MYT1L: variants seen among roughly 807,000 people sequenced by gnomAD.
The protein encoded by MYT1L is myelin transcription factor 1 like, also known as myelin transcription factor 1-like protein.
In MYT1L, 12 loss-of-function variants were observed where a neutral mutation model predicts 126.7. The ratio of observed to expected loss-of-function variants is 0.09; its 90% CI spans 0.06 to 0.15. The LOEUF is 0.15. Among genes scored for constraint, MYT1L ranks in the 10% least tolerant of loss-of-function variants. The pLI is 1.00. For missense variants in MYT1L, 979 were observed against 1,585.2 expected (o/e 0.62, Z 6.49); for synonymous variants, 541 against 604.2 (o/e 0.90, Z 1.53).
chr2:2,288,171 C>T lies in MYT1L; in HGVS notation c.-520-3668G>A, dbSNP rs115400445. 2.8e-3 allele frequency among the ~76,000 whole-genome samples: 427 copies of T among 152,270 alleles called. 5 individuals carry two copies. Among genetic ancestry groups the T allele is most frequent in the African/African-American group, 9.7e-3 (402 of 41,550 alleles). The stretch of plus-strand genomic sequence containing the variant: ...AATAGGAATTGTCATTTAATCCTCA[C>T]GACCAGGTAGATACAGGACAACATC... On this transcript the variant is annotated intron_variant, in intron 1 of 24. Coordinates refer to ENST00000647738, the MANE Select transcript of MYT1L (RefSeq NM_001303052.2).
Position 2,032,563 on chromosome 2 carries a change from T to G in MYT1L, c.-158+21415A>C, listed in dbSNP as rs193041783. Among the ~76,000 whole-genome samples the G allele has an allele frequency of 4.8e-3, 690 of 144,432 alleles. 7 individuals are homozygous for G. The highest frequency in any genetic ancestry group is 0.018 in the African/African-American group (672 of 38,214). The allele number at this position is 144,432 out of a possible 152,430, so 94.8% of individuals were successfully genotyped here. The stretch of plus-strand genomic sequence containing the variant: ...TACACACATCCCTCCCCAGTGCCTC[T>G]CATCCTGCGGCCCAGAGAAGATTCT... On this transcript the variant is annotated intron_variant, in intron 4 of 24. Coordinates refer to ENST00000647738, the MANE Select transcript of MYT1L (RefSeq NM_001303052.2).
chr2:1,939,614 A>C (rs1432060364), intron 9 of MYT1L, among the ~76,000 whole-genome samples: 2 of 152,258 alleles, frequency 1.3e-5, no homozygotes, highest in Non-Finnish European at 1.5e-5. Context: ...GAGAACATTC[A>C]AACAGGAGAT....
intron 21 of MYT1L, chr2:1,827,332 A>G (rs1309821074): frequency 2.6e-5 from 4 of 152,238 alleles, no homozygotes; most frequent in Admixed American, 2.0e-4. Flanking sequence ...AGAGGGACCC[A>G]GAGCTCAGGA....
At chr2:2,068,766 C>CTTCTTTT (rs1370285207) in intron 3 of MYT1L, among the ~76,000 whole-genome samples, 2 of 5,874 alleles carry the variant, frequency 3.4e-4, no homozygotes, top group Non-Finnish European at 7.3e-4. Context: ...CTGTGTTCTT[C>CTTCTTTT]TTGTTTTTTT....
At chr2:1,825,109 T>C (rs1434612592) in intron 21 of MYT1L, 3 of 152,240 alleles carry the variant, frequency 2.0e-5, no homozygotes, top group South Asian at 2.1e-4. Context: ...GAGAGCAACA[T>C]GGAGCTGGGG....
intron 5 of MYT1L, among the ~76,000 whole-genome samples, chr2:1,981,844 A>T (rs2060636790): frequency 6.6e-6 from 1 of 152,236 alleles, no homozygotes; most frequent in South Asian, 2.1e-4. Context: ...CCTCAACAGC[A>T]TCTGTGGCTT....
chr2:1,871,668 C>T (rs1051789081), intron 18 of MYT1L, among the ~76,000 whole-genome samples: 8 of 152,196 alleles, frequency 5.3e-5, no homozygotes, highest in African/African-American at 1.9e-4. Flanking sequence ...CCAGCTGCTC[C>T]CCAGGCTCTC....
chr2:2,063,680 C>A (rs918271271), intron 3 of MYT1L, among the ~76,000 whole-genome samples: 2 of 152,116 alleles, frequency 1.3e-5, no homozygotes, highest in African/African-American at 2.4e-5. Flanking sequence ...CCTGTCTCTA[C>A]TAAAAATATA....
intron 1 of MYT1L, chr2:2,303,505 C>T (rs950473760): frequency 1.3e-5 from 2 of 152,292 alleles, no homozygotes; most frequent in African/African-American, 4.8e-5. Context: ...TACAGAGTCT[C>T]CCTGCTCTCT....
intron 2 of MYT1L, among the ~76,000 whole-genome samples, chr2:2,197,340 T>G (rs530928452): frequency 1.3e-5 from 2 of 152,258 alleles, no homozygotes; most frequent in Admixed American, 1.3e-4. Context: ...AAAATTTATG[T>G]ACATATGCAG....
At chr2:2,136,122 G>A (rs1379264975) in intron 3 of MYT1L, among the ~76,000 whole-genome samples, 1 of 152,108 alleles carries the variant, frequency 6.6e-6, no homozygotes, top group African/African-American at 2.4e-5. Flanking sequence ...ACTAACACAG[G>A]AACAGAAAAC....
chr2:1,789,756 G>A lies in MYT1L; in HGVS notation c.*2111C>T, dbSNP rs2031712727. 6.6e-6 allele frequency: 1 copy of A among 152,222 alleles called. No individual in the cohort carries two copies. Among genetic ancestry groups the A allele is most frequent in the Admixed American group, 6.5e-5 (1 of 15,278 alleles). The allele number at this position is 152,222 out of a possible 1,614,324, so 9.4% of individuals were successfully genotyped here. ...CACGGACGGCCTCAGGTGACTGCAA[G>A]CACCTTGCTTCAGCTCTCAAAACGC... On this transcript the variant is annotated 3_prime_UTR_variant, in exon 25 of 25. Coordinates refer to ENST00000647738, the MANE Select transcript of MYT1L (RefSeq NM_001303052.2).
intron 2 of MYT1L, among the ~76,000 whole-genome samples, chr2:2,217,711 A>C (rs201430564): frequency 0.013 from 1,891 of 145,024 alleles, 51 homozygotes; most frequent in South Asian, 0.033. Flanking sequence ...AACAACAAAA[A>C]AAAAAAAAGA....
At chr2:2,058,949 T>C (rs530271037) in intron 3 of MYT1L, among the ~76,000 whole-genome samples, 1 of 152,326 alleles carries the variant, frequency 6.6e-6, no homozygotes, top group South Asian at 2.1e-4. Context: ...TTCATTCATA[T>C]GGGGGCAACA....
chr2:2,244,642 C>G (rs144739847), intron 2 of MYT1L, among the ~76,000 whole-genome samples: 7 of 152,356 alleles, frequency 4.6e-5, no homozygotes, highest in African/African-American at 1.7e-4. Context: ...CCTGCTCAAA[C>G]TGCAGGCTCC....
At chr2:2,296,998 T>C (rs996418204) in intron 1 of MYT1L, among the ~76,000 whole-genome samples, 3 of 152,016 alleles carry the variant, frequency 2.0e-5, no homozygotes, top group Non-Finnish European at 2.9e-5. Flanking sequence ...TGCAGGAAGC[T>C]GGAGGACCTT....
chr2:1,933,035 G>A (rs747830593), intron 9 of MYT1L, among the ~76,000 whole-genome samples: 1 of 152,068 alleles, frequency 6.6e-6, no homozygotes, highest in African/African-American at 2.4e-5. Context: ...GGCTCACGGA[G>A]GACCTCTGAG....
At chr2:2,259,404 A>C (rs2094901793) in intron 2 of MYT1L, among the ~76,000 whole-genome samples, 2 of 125,076 alleles carry the variant, frequency 1.6e-5, no homozygotes, top group East Asian at 2.6e-4. Context: ...TAAAAAAAAA[A>C]ACATTAAAAA....
intron 2 of MYT1L, among the ~76,000 whole-genome samples, chr2:2,178,434 C>A (rs10202209): frequency 0.063 from 9,544 of 152,270 alleles, 413 homozygotes; most frequent in Middle Eastern, 0.12. Flanking sequence ...AAAAAACCTT[C>A]TTCCATGTTA....
Sources: allele counts gnomAD v4.1 joint callset (sites outside exome capture counted in the v4.1 genomes callset), GRCh38; gene constraint gnomAD v4.1.1; transcripts MANE v1.5; gene names NCBI Gene and HGNC (gene_info 2026-07-23, HGNC 2026-07-21).